DUOX1: variants seen among roughly 807,000 people sequenced by gnomAD.
The protein encoded by DUOX1 is NADPH thyroid oxidase 1.
Under a neutral mutation model 181.8 loss-of-function variants are expected in DUOX1, and 134 were observed. That is an observed-to-expected ratio of 0.74 (90% CI 0.64 to 0.85). DUOX1 has a LOEUF of 0.85. DUOX1 is among the 40% of genes least tolerant of loss of function. DUOX1 has a pLI of 0.00. For synonymous variants in DUOX1, 798 were observed against 832.5 expected (o/e 0.96, Z 0.71); for missense variants, 1,814 against 2,064.4 (o/e 0.88, Z 2.35).
chr15:45,133,523 T>G (rs1385524494), intron 2 of DUOX1, among the ~76,000 whole-genome samples: 1 of 152,086 alleles, frequency 6.6e-6, no homozygotes, highest in Non-Finnish European at 1.5e-5. Flanking sequence ...AGCTGAAGTT[T>G]AAGGGGAGTA....
intron 28 of DUOX1, among the ~76,000 whole-genome samples, chr15:45,158,700 CAAAAAAAAAAA>C (rs58522871): frequency 2.1e-5 from 1 of 47,022 alleles, no homozygotes; most frequent in Non-Finnish European, 3.4e-5. Context: ...ACTTCCATCT[CAAAAAAAAAAA>C]AAAAAAAAAA....
chr15:45,151,884 T>C lies in DUOX1; in HGVS notation c.3025T>C (p.Phe1009Leu), dbSNP rs1896813894. The change falls in exon 24 of 34, where the codon TTC becomes CTC. Residue 1009 changes from phenylalanine to leucine, a missense_variant. By Grantham distance (22) the Phe-to-Leu change is conservative. Around this residue, in one of 5 missense-constraint regions of DUOX1, gnomAD observed 1,064 missense variants for 1,152.9 expected, o/e 0.92. Coordinates refer to ENST00000389037, the MANE Select transcript of DUOX1 (RefSeq NM_175940.3). ...CTTCCTGTCTCCCAGGGTAACGTCA[T>C]TCCAGCCCTTGCTGTTCACTGAGGC... is the stretch of plus-strand genomic sequence containing the variant. ...RRRFGKKVTSFQPLLFTEAHR... is the reference protein window; with the variant it reads ...RRRFGKKVTSLQPLLFTEAHR... The C allele has an allele frequency of 6.2e-7, 1 of 1,612,950 alleles. No homozygotes were observed. The highest frequency in any genetic ancestry group is 1.3e-5 in the African/African-American group (1 of 74,808).
rs532066137 is a variant in DUOX1, at chr15:45,157,946, C to T, written c.3702+2017C>T. On this transcript the variant is annotated intron_variant, in intron 28 of 33. Coordinates refer to ENST00000389037, the MANE Select transcript of DUOX1 (RefSeq NM_175940.3). ...GGCAAGAGCACCCTCTTTGTTCCCA[C>T]TTGTCCCAGGCGTGACCACTTGACT... Among the ~76,000 whole-genome samples the T allele has an allele frequency of 2.6e-5, 4 of 152,258 alleles. No homozygotes were observed. The East Asian group carries it at 7.7e-4, about 29-fold the overall frequency.
At chr15:45,161,613 T>C (rs987369970) in intron 29 of DUOX1, 125 bp from the exon 30 acceptor site, 3 of 846,694 alleles carry the variant, frequency 3.5e-6, no homozygotes, top group Non-Finnish European at 5.6e-6. Flanking sequence ...GGTGAGCTTC[T>C]GATGGGGGAG....
chr15:45,155,758 C>T (rs1896954463), intron 27 of DUOX1, 44 bp from the exon 28 acceptor site: 1 of 1,611,762 alleles, frequency 6.2e-7, no homozygotes, highest in Non-Finnish European at 8.5e-7. Context: ...AGTTCCCTTT[C>T]AAGGCACTGA....
At chr15:45,143,019 T>C (rs2292465) in intron 15 of DUOX1, among the ~76,000 whole-genome samples, 171 bp from the exon 16 acceptor site, 76,064 of 151,842 alleles carry the variant, frequency 0.5, 19,416 homozygotes, top group Middle Eastern at 0.61. Flanking sequence ...AAGCTCCCCA[T>C]GGGATGCAGA....
Position 45,136,598 on chromosome 15 carries a change from C to A in DUOX1, c.995C>A (p.Thr332Asn), listed in dbSNP as rs1232091564. 6.2e-7 allele frequency: 1 copy of A among 1,614,110 alleles called. No homozygotes were observed. The highest frequency in any genetic ancestry group is 1.1e-5 in the South Asian group (1 of 91,076). ...GCGGCCTCTGAGCAGTTCCTGTCCA[C>A]CATGGTGCCCCCTGGCGTCTACATG... ...FVAASEQFLS[T>N]MVPPGVYMRN... Residue 332 changes from threonine (T) to asparagine (N), a missense_variant, in exon 9 of 34, where the codon ACC (threonine) becomes AAC (asparagine). By Grantham distance (65) the Thr-to-Asn change is moderately conservative. Coordinates refer to ENST00000389037, the MANE Select transcript of DUOX1 (RefSeq NM_175940.3).
At chr15:45,143,401 T>A in intron 16 of DUOX1, 98 bp downstream of exon 16, 1 of 927,316 alleles carries the variant, frequency 1.1e-6, no homozygotes, top group South Asian at 1.6e-5. Flanking sequence ...AGGCCTCCCT[T>A]TTCTAGGACT....
At chr15:45,140,800 AT>A (rs973382085) in intron 12 of DUOX1, 94 bp from the exon 13 acceptor site, 44 of 1,242,638 alleles carry the variant, frequency 3.5e-5, no homozygotes, top group Non-Finnish European at 4.6e-6. Context: ...GTCATTTATT[AT>A]TATCATCCCT....
chr15:45,148,834 G>T (rs927758661), intron 21 of DUOX1, among the ~76,000 whole-genome samples: 10 of 151,938 alleles, frequency 6.6e-5, no homozygotes, highest in Admixed American at 2.6e-4. Context: ...CCAGGGCAGG[G>T]GGAGACTGTC....
At position 45,165,019 on chromosome 15, in the gene DUOX1, C is replaced by G; in HGVS notation, c.*118C>G. The G allele has an allele frequency of 1.6e-6, 2 of 1,229,304 alleles. No homozygotes were observed. Among genetic ancestry groups the G allele is most frequent in the Non-Finnish European group, 2.3e-6 (2 of 863,098 alleles). 76.1% of individuals were successfully genotyped at this position (1,229,304 alleles called of 1,614,324 possible). Reference sequence around the variant, plus strand: ...CTTCTCTGATTTCCCACCTCCCAACCTTGTTCCAGGTGGCCATAGTCAGTC... The same window carrying G: ...CTTCTCTGATTTCCCACCTCCCAACGTTGTTCCAGGTGGCCATAGTCAGTC... On this transcript the variant is annotated 3_prime_UTR_variant, in exon 34 of 34. Coordinates refer to ENST00000389037, the MANE Select transcript of DUOX1 (RefSeq NM_175940.3).
intron 28 of DUOX1, among the ~76,000 whole-genome samples, chr15:45,157,502 T>C (rs753980155): frequency 2.0e-5 from 3 of 152,122 alleles, no homozygotes; most frequent in Non-Finnish European, 4.4e-5. Context: ...AAGCCACCCT[T>C]CCTGCCAGCA....
rs767040217 is a variant in DUOX1, at chr15:45,132,035, A to T, written c.58+11A>T. 6.9e-6 allele frequency: 11 copies of T among 1,594,542 alleles called. No individual in the cohort carries two copies. The East Asian group carries it at 2.5e-4, about 36-fold the overall frequency. ...CATGGACCCCTCTGGGTGAGTACAG[A>T]TTGGAGGAGAAGCATGGTTAGGAGC... On this transcript the variant is annotated intron_variant, in intron 2 of 33. Coordinates refer to ENST00000389037, the MANE Select transcript of DUOX1 (RefSeq NM_175940.3).
At chr15:45,132,238 C>T (rs747256894) in intron 2 of DUOX1, among the ~76,000 whole-genome samples, 2 of 152,196 alleles carry the variant, frequency 1.3e-5, no homozygotes, top group African/African-American at 2.4e-5. Context: ...AATTAGGGAG[C>T]CTTCAGCTGC....
chr15:45,153,432 C>A lies in DUOX1; in HGVS notation c.3477C>A (p.Pro1159=). 1.2e-6 allele frequency: 2 copies of A among 1,613,718 alleles called. No individual in the cohort carries two copies. The highest frequency in any genetic ancestry group is 1.7e-6 in the Non-Finnish European group (2 of 1,179,966). Residue 1159 remains proline (P), a synonymous_variant, in exon 26 of 34, where the codon CCC becomes CCA. Transcript: ENST00000389037. ...VVNVYLFSIS[P]LSVLSCLFPG... ...ATGTGTACCTGTTCTCCATCAGCCC[C>A]CTCAGCGTCCTCTCTTGCCTCTTTC...
At chr15:45,154,084 C>T (rs981624812) in intron 27 of DUOX1, 84 bp downstream of exon 27, 15 of 1,259,568 alleles carry the variant, frequency 1.2e-5, no homozygotes, top group Middle Eastern at 1.9e-4. Context: ...GAGCAACCCA[C>T]GTTCACTCAC....
At chr15:45,155,560 A>T in intron 27 of DUOX1, 1 of 485,720 alleles carries the variant, frequency 2.1e-6, no homozygotes, top group Non-Finnish European at 3.5e-6. Flanking sequence ...ACAGAGCAAG[A>T]CTCCATCTCA....
At position 45,163,658 on chromosome 15, in the gene DUOX1, G is replaced by A; in HGVS notation, c.4375G>A (p.Glu1459Lys). 6.2e-7 allele frequency: 1 copy of A among 1,614,170 alleles called. No individual in the cohort carries two copies. The highest frequency in any genetic ancestry group is 8.5e-7 in the Non-Finnish European group (1 of 1,180,018). Reference protein sequence around the residue: ...SVHIYITQLAEKFDLRTTMLY... With the variant: ...SVHIYITQLAKKFDLRTTMLY... ...GCACATCTACATCACCCAGCTGGCT[G>A]AGAAGTTCGACCTCAGGACCACTAT... The change falls in exon 32 of 34, where the codon GAG (glutamate) becomes AAG (lysine). Residue 1459 changes from glutamate to lysine, a missense_variant. By Grantham distance (56) the Glu-to-Lys change is moderately conservative (BLOSUM62 1). Around this residue, in one of 5 missense-constraint regions of DUOX1, gnomAD observed 124 missense variants for 125.7 expected, o/e 0.99. Coordinates refer to ENST00000389037, the MANE Select transcript of DUOX1 (RefSeq NM_175940.3).
intron 28 of DUOX1, 124 bp downstream of exon 28, chr15:45,156,053 G>GT (rs1162151546): frequency 7.5e-7 from 1 of 1,326,306 alleles, no homozygotes; most frequent in Non-Finnish European, 1.0e-6. Flanking sequence ...ACTTCTCGAC[G>GT]TCCCTCTTTG....
Sources: allele counts gnomAD v4.1 joint callset (sites outside exome capture counted in the v4.1 genomes callset), GRCh38; gene constraint gnomAD v4.1.1; regional missense constraint gnomAD v4.1.1; transcripts MANE v1.5; gene names NCBI Gene and HGNC (gene_info 2026-07-23, HGNC 2026-07-21).